The following CYP3A7 variants were observed in gnomAD, a reference collection of about 807,000 sequenced individuals.
The protein encoded by CYP3A7 is cytochrome P450 family 3 subfamily A member 7, also known as cytochrome P450 3A7.
Under a neutral mutation model 55.2 loss-of-function variants are expected in CYP3A7, and 45 were observed. That is an observed-to-expected ratio of 0.82 (90% CI 0.64 to 1.05). CYP3A7 has a LOEUF of 1.05. CYP3A7 is among the 50% of genes least tolerant of loss of function. CYP3A7 has a pLI of 0.00. For missense variants in CYP3A7, 548 were observed against 605.3 expected (o/e 0.91, Z 0.99); for synonymous variants, 180 against 207.4 (o/e 0.87, Z 1.13).
intron 1 of CYP3A7, among the ~76,000 whole-genome samples, chr7:99,731,546 A>G (rs1814620373): frequency 6.6e-6 from 1 of 152,190 alleles, no homozygotes. Context: ...AGAAAGAGTG[A>G]CAATTTTTCT....
chr7:99,735,014 G>T lies in CYP3A7; in HGVS notation c.71+9C>A. On this transcript the variant is annotated intron_variant, in intron 1 of 12. Transcript: ENST00000336374. ...GAAACAGAGAAGAGGAGCCTGAACA[G>T]TTACTCACAGATAGAGGAGTATCAG... is the stretch of plus-strand genomic sequence containing the variant. 6.2e-7 allele frequency: 1 copy of T among 1,614,080 alleles called. No individual in the cohort carries two copies. Among genetic ancestry groups the T allele is most frequent in the Non-Finnish European group, 8.5e-7 (1 of 1,179,950 alleles).
At chr7:99,710,613 T>A in intron 10 of CYP3A7, 119 bp downstream of exon 10, 1 of 1,548,692 alleles carries the variant, frequency 6.5e-7, no homozygotes, top group Non-Finnish European at 8.7e-7. Context: ...CCTTCCTACA[T>A]ATTGTGAATG....
intron 4 of CYP3A7, among the ~76,000 whole-genome samples, chr7:99,719,050 A>G (rs1380572203): frequency 6.6e-6 from 1 of 152,248 alleles, no homozygotes; most frequent in East Asian, 1.9e-4. Flanking sequence ...TTGAAAGACC[A>G]AACATAGTGA....
chr7:99,717,370 A>G, intron 5 of CYP3A7, 105 bp from the exon 6 acceptor site: 1 of 1,600,558 alleles, frequency 6.2e-7, no homozygotes, highest in South Asian at 1.1e-5. Flanking sequence ...TGTATAATGA[A>G]TTTTATGATG....
chr7:99,717,086 G>A (rs1813981561), intron 6 of CYP3A7, 91 bp downstream of exon 6: 27 of 1,555,970 alleles, frequency 1.7e-5, no homozygotes, highest in Non-Finnish European at 2.4e-5. Context: ...CTGGTCACTG[G>A]AATAACCCAA....
chr7:99,706,934 A>G (rs1813548815), intron 12 of CYP3A7, among the ~76,000 whole-genome samples: 1 of 152,238 alleles, frequency 6.6e-6, no homozygotes, highest in Non-Finnish European at 1.5e-5. Flanking sequence ...AGACATTCTT[A>G]GATAAAGAGA....
chr7:99,718,084 G>A (rs923894667), intron 4 of CYP3A7, among the ~76,000 whole-genome samples: 1 of 152,092 alleles, frequency 6.6e-6, no homozygotes, highest in African/African-American at 2.4e-5. Context: ...AGAACACATG[G>A]ACACAGGAAG....
At position 99,714,570 on chromosome 7, in the gene CYP3A7, G is replaced by A. The variant is rs1473811556; in HGVS notation, c.783C>T (p.Leu261=). 3 of 1,612,536 alleles carry A rather than the reference G, an allele frequency of 1.9e-6. No homozygotes were observed. In the African/African-American group the frequency reaches 4.0e-5, roughly 22 times the overall value. ...CACGTTTTACCTTTTGTGTCTCTTT[G>A]AGGCGACCTTCTTTTATCTGTTTTA... The part of the protein sequence containing the change: ...KSVKQIKEGR[L]KETQKHRVDF... Residue 261 remains leucine, a synonymous_variant, in exon 8 of 13, where the codon CTC becomes CTT. Transcript: ENST00000336374.
chr7:99,708,299 T>C (rs1813597130), intron 11 of CYP3A7, among the ~76,000 whole-genome samples: 1 of 152,218 alleles, frequency 6.6e-6, no homozygotes, highest in Non-Finnish European at 1.5e-5. Flanking sequence ...GTGATGAGAA[T>C]GACTGACAGA....
At chr7:99,723,478 C>A (rs866672357) in intron 2 of CYP3A7, among the ~76,000 whole-genome samples, 1 of 152,192 alleles carries the variant, frequency 6.6e-6, no homozygotes, top group Non-Finnish European at 1.5e-5. Flanking sequence ...TTTGCAGACT[C>A]CTTTTCGGAC....
chr7:99,719,592 A>G (rs370349672), intron 4 of CYP3A7, among the ~76,000 whole-genome samples: 5 of 57,672 alleles, frequency 8.7e-5, no homozygotes, highest in African/African-American at 1.6e-4. Context: ...CAAAAGCACA[A>G]TCCATAAAAA....
chr7:99,734,498 A>G (rs1814753342), intron 1 of CYP3A7, among the ~76,000 whole-genome samples: 1 of 152,206 alleles, frequency 6.6e-6, no homozygotes, highest in Non-Finnish European at 1.5e-5. Flanking sequence ...TCCACTAAAG[A>G]TGAATGGGGG....
intron 12 of CYP3A7, among the ~76,000 whole-genome samples, chr7:99,706,066 T>C (rs1481893553): frequency 3.9e-5 from 6 of 152,228 alleles, no homozygotes; most frequent in Non-Finnish European, 7.3e-5. Flanking sequence ...CAGTAATTCC[T>C]CTCAATTGAA....
Position 99,731,131 on chromosome 7 carries a change from T to C in CYP3A7, c.93A>G (p.Gly31=), listed in dbSNP as rs1814599058. The change falls in exon 2 of 13, where the codon GGA becomes GGG. Residue 31 remains glycine (G), a synonymous_variant. Coordinates refer to ENST00000336374, the MANE Select transcript of CYP3A7 (RefSeq NM_000765.5). Reference sequence around the variant, plus strand: ...CTGGAATTCCAAGCTTCTTAAAAAGTCCATGTGTACGGGTTCCATATCTAC... The same window carrying C: ...CTGGAATTCCAAGCTTCTTAAAAAGCCCATGTGTACGGGTTCCATATCTAC... ...LLYLYGTRTH[G]LFKKLGIPGP... 1.9e-6 allele frequency: 3 copies of C among 1,613,842 alleles called. No homozygotes were observed. The highest frequency in any genetic ancestry group is 2.5e-6 in the Non-Finnish European group (3 of 1,179,826).
chr7:99,728,588 C>T (rs991644187), intron 2 of CYP3A7, among the ~76,000 whole-genome samples: 1 of 152,302 alleles, frequency 6.6e-6, no homozygotes. Context: ...TCCTCTGTGG[C>T]TCCACCACGT....
chr7:99,712,115 G>A (rs1230872069), intron 9 of CYP3A7, among the ~76,000 whole-genome samples: 1 of 152,134 alleles, frequency 6.6e-6, no homozygotes, highest in Admixed American at 6.5e-5. Flanking sequence ...GCTCAGGATG[G>A]CCCATCACTG....
intron 1 of CYP3A7, among the ~76,000 whole-genome samples, chr7:99,731,602 T>C (rs1814624112): frequency 6.6e-6 from 1 of 152,190 alleles, no homozygotes; most frequent in African/African-American, 2.4e-5. Flanking sequence ...CTGCATCCAC[T>C]CAGTCACAGG....
At chr7:99,715,942 A>T (rs182852329) in intron 6 of CYP3A7, 36 bp from the exon 7 acceptor site, 11 of 1,612,648 alleles carry the variant, frequency 6.8e-6, no homozygotes, top group Non-Finnish European at 7.6e-6. Flanking sequence ...TAAAATCAGC[A>T]CCTCTTTACC....
chr7:99,712,554 G>T (rs1813795518), intron 9 of CYP3A7, among the ~76,000 whole-genome samples: 1 of 152,148 alleles, frequency 6.6e-6, no homozygotes, highest in Non-Finnish European at 1.5e-5. Context: ...TAAAACAGTA[G>T]GCTATTTCCT....
Sources: gnomAD v4.1 joint callset for allele counts (sites outside exome capture counted in the v4.1 genomes callset) on GRCh38, gnomAD v4.1.1 for gene constraint, MANE v1.5 for transcripts, NCBI Gene and HGNC (gene_info 2026-07-23, HGNC 2026-07-21) for gene names.